Variants in IKBKB-DT observed in about 807,000 individuals in gnomAD.
IKBKB-DT encodes the protein IKBKB antisense RNA.
intron 3 of IKBKB-DT, among the ~76,000 whole-genome samples, chr8:42,251,825 T>C (rs1209123780): frequency 8.2e-6 from 1 of 121,404 alleles, no homozygotes; most frequent in East Asian, 2.1e-4. Context: ...CAAGACTCCA[T>C]CTCAAAAAAA....
At chr8:42,245,018 G>A (rs1407320353) in intron 3 of IKBKB-DT, among the ~76,000 whole-genome samples, 1 of 152,124 alleles carries the variant, frequency 6.6e-6, no homozygotes, top group Non-Finnish European at 1.5e-5. Flanking sequence ...GGGAGGCCAA[G>A]GCAGGAGGAT....
intron 3 of IKBKB-DT, among the ~76,000 whole-genome samples, chr8:42,254,437 G>T (rs1354823118): frequency 6.6e-6 from 1 of 150,534 alleles, no homozygotes; most frequent in African/African-American, 2.4e-5. Flanking sequence ...CGTCTGGGAA[G>T]TGAGGATCAC....
At chr8:42,266,791 C>A (rs1291831168) in intron 1 of IKBKB-DT, among the ~76,000 whole-genome samples, 4 of 152,094 alleles carry the variant, frequency 2.6e-5, no homozygotes, top group Non-Finnish European at 5.9e-5. Context: ...CTGTTATACT[C>A]CCACCAGCAC....
intron 3 of IKBKB-DT, among the ~76,000 whole-genome samples, chr8:42,252,326 C>A (rs1021910701): frequency 6.6e-6 from 1 of 152,182 alleles, no homozygotes; most frequent in African/African-American, 2.4e-5. Flanking sequence ...CCGGATGACC[C>A]ACTCAGGAGT....
At chr8:42,243,712 C>T (rs1251669251) in intron 3 of IKBKB-DT, among the ~76,000 whole-genome samples, 1 of 152,150 alleles carries the variant, frequency 6.6e-6, no homozygotes, top group Non-Finnish European at 1.5e-5. Flanking sequence ...TCACAGGAAC[C>T]CAGTTTGTAA....
chr8:42,249,443 G>GTGTGTGTGTGTGTGTGTGTGTA (rs537297988), intron 3 of IKBKB-DT: 44 of 150,324 alleles, frequency 2.9e-4, no homozygotes, highest in South Asian at 2.8e-3. Context: ...GTGTGTGTGT[G>GTGTGTGTGTGTGTGTGTGTGTA]TACATATATA....
chr8:42,245,619 C>T (rs1807053403), intron 3 of IKBKB-DT, among the ~76,000 whole-genome samples: 2 of 152,244 alleles, frequency 1.3e-5, no homozygotes, highest in Middle Eastern at 3.4e-3. Flanking sequence ...AATCCTGTCT[C>T]GAGGGGCTCA....
chr8:42,247,628 T>C (rs1305939307), intron 3 of IKBKB-DT, among the ~76,000 whole-genome samples: 4 of 152,136 alleles, frequency 2.6e-5, no homozygotes, highest in African/African-American at 9.7e-5. Flanking sequence ...AAATCTCATC[T>C]TGAATTGTAA....
At chr8:42,248,677 G>C (rs1020285040) in intron 3 of IKBKB-DT, among the ~76,000 whole-genome samples, 1 of 151,658 alleles carries the variant, frequency 6.6e-6, no homozygotes, top group Non-Finnish European at 1.5e-5. Context: ...TCAGGAGTTC[G>C]AGGCCAGCCT....
chr8:42,259,014 TTTTCTTTC>T (rs547488913), intron 3 of IKBKB-DT, among the ~76,000 whole-genome samples: 1 of 151,876 alleles, frequency 6.6e-6, no homozygotes, highest in Admixed American at 6.6e-5. Flanking sequence ...TCATAGCAGT[TTTTCTTTC>T]TTTCTTTCTT....
intron 3 of IKBKB-DT, chr8:42,233,871 G>A (rs970797175): frequency 6.6e-6 from 1 of 152,156 alleles, no homozygotes; most frequent in Non-Finnish European, 1.5e-5. Context: ...TGCAAGATAA[G>A]ATGAGTCAGT....
intron 3 of IKBKB-DT, among the ~76,000 whole-genome samples, chr8:42,256,504 A>G (rs1030208332): frequency 5.9e-5 from 9 of 152,144 alleles, no homozygotes; most frequent in Admixed American, 3.9e-4. Flanking sequence ...CCCGAGAGGC[A>G]GAGGTGGCAG....
chr8:42,269,363 AGAAAG>A (rs1287564270), intron 1 of IKBKB-DT, among the ~76,000 whole-genome samples: 2 of 142,532 alleles, frequency 1.4e-5, no homozygotes, highest in African/African-American at 2.6e-5. Flanking sequence ...AAGGAAAGGA[AGAAAG>A]GAAAGGAAAG....
chr8:42,259,561 G>C (rs1202602678), intron 3 of IKBKB-DT, among the ~76,000 whole-genome samples: 1 of 152,138 alleles, frequency 6.6e-6, no homozygotes, highest in Non-Finnish European at 1.5e-5. Flanking sequence ...ACCATTTTTA[G>C]TAGACATGTG....
chr8:42,238,777 G>C (rs1312586808), intron 3 of IKBKB-DT, among the ~76,000 whole-genome samples: 1 of 152,118 alleles, frequency 6.6e-6, no homozygotes, highest in African/African-American at 2.4e-5. Context: ...CCACCATCCA[G>C]AGACTTACTT....
chr8:42,266,040 A>T (rs1422535862), exon 2 of IKBKB-DT: 1 of 152,206 alleles, frequency 6.6e-6, no homozygotes, highest in Non-Finnish European at 1.5e-5. Context: ...ATCTCCCACC[A>T]AGGTCCCCAG....
chr8:42,267,693 G>C (rs73622129), intron 1 of IKBKB-DT, among the ~76,000 whole-genome samples: 8,645 of 152,210 alleles, frequency 0.057, 754 homozygotes, highest in African/African-American at 0.19. Flanking sequence ...ACATTTTTCT[G>C]CTGAATCTGA....
chr8:42,251,828 C>CAAAAAAAAAAAAAAAA (rs59420104), intron 3 of IKBKB-DT, among the ~76,000 whole-genome samples: 13 of 91,450 alleles, frequency 1.4e-4, no homozygotes, highest in African/African-American at 3.1e-4. Context: ...GACTCCATCT[C>CAAAAAAAAAAAAAAAA]AAAAAAAAAA....
At chr8:42,246,286 C>T (rs10101565) in intron 3 of IKBKB-DT, among the ~76,000 whole-genome samples, 8,666 of 152,114 alleles carry the variant, frequency 0.057, 754 homozygotes, top group African/African-American at 0.19. Flanking sequence ...ACTTGGCCTC[C>T]CAAAATGTTG....
Sources: allele counts gnomAD v4.1 joint callset (sites outside exome capture counted in the v4.1 genomes callset), GRCh38; gene constraint gnomAD v4.1.1; transcripts MANE v1.5; gene names NCBI Gene and HGNC (gene_info 2026-07-23, HGNC 2026-07-21).